DYNC1I2: variants seen among roughly 807,000 people sequenced by gnomAD.
DYNC1I2 encodes cytoplasmic dynein 1 intermediate chain 2.
Under a neutral mutation model 88.6 loss-of-function variants are expected in DYNC1I2, and 53 were observed. The observed-to-expected ratio is 0.60, with a 90% CI of 0.48 to 0.75. The LOEUF is 0.75. DYNC1I2 is among the 30% of genes least tolerant of loss of function. The probability of loss-of-function intolerance (pLI) is 0.00; values close to 1 mark genes in which losing one functional copy is unlikely to be tolerated. For missense variants in DYNC1I2, 458 were observed against 766.6 expected (o/e 0.60, Z 4.75); for synonymous variants, 198 against 254.6 (o/e 0.78, Z 2.12).
chr2:171,716,502 A>AT (rs1687504347), intron 7 of DYNC1I2, among the ~76,000 whole-genome samples: 1 of 152,240 alleles, frequency 6.6e-6, no homozygotes, highest in African/African-American at 2.4e-5. Context: ...AGTTATATTC[A>AT]TTGCAGAAAG....
intron 6 of DYNC1I2, 98 bp downstream of exon 6, chr2:171,712,924 C>T: frequency 9.8e-7 from 1 of 1,017,940 alleles, no homozygotes; most frequent in East Asian, 2.4e-5. Context: ...AATATTGTAT[C>T]ACGTAGTAAG....
At chr2:171,701,852 T>C (rs1244691111) in intron 3 of DYNC1I2, among the ~76,000 whole-genome samples, 1 of 152,158 alleles carries the variant, frequency 6.6e-6, no homozygotes, top group Non-Finnish European at 1.5e-5. Context: ...TTTTTCTGAG[T>C]GGGGCGGAAT....
At chr2:171,697,541 G>A (rs1370040344) in intron 3 of DYNC1I2, among the ~76,000 whole-genome samples, 1 of 152,070 alleles carries the variant, frequency 6.6e-6, no homozygotes, top group African/African-American at 2.4e-5. Context: ...GTGTGTGGTG[G>A]TTCACACCTG....
At chr2:171,732,431 T>C (rs1052081143) in intron 15 of DYNC1I2, among the ~76,000 whole-genome samples, 1 of 152,334 alleles carries the variant, frequency 6.6e-6, no homozygotes, top group Non-Finnish European at 1.5e-5. Flanking sequence ...ATTTGAAGTG[T>C]TTAGGGTCAT....
chr2:171,748,903 A>C lies in DYNC1I2; in HGVS notation c.*1014A>C, dbSNP rs964210684. ...TCCGAAAGGTAGGTGACAAATATCT[A>C]AGAATCAGTATTGAAATCAGTGAAT... On this transcript the variant is annotated 3_prime_UTR_variant, in exon 18 of 18. Coordinates refer to ENST00000397119, the MANE Select transcript of DYNC1I2 (RefSeq NM_001378.3). 9.9e-5 allele frequency among the ~76,000 whole-genome samples: 15 copies of C among 152,218 alleles called. No homozygotes were observed. Among genetic ancestry groups the C allele is most frequent in the African/African-American group, 3.4e-4 (14 of 41,466 alleles).
chr2:171,731,563 G>T (rs1418987719), intron 15 of DYNC1I2, among the ~76,000 whole-genome samples: 1 of 152,104 alleles, frequency 6.6e-6, no homozygotes, highest in Non-Finnish European at 1.5e-5. Context: ...GACCAGTTTG[G>T]GTAACACAAG....
chr2:171,734,541 A>G (rs915322780), intron 15 of DYNC1I2, among the ~76,000 whole-genome samples: 1 of 152,156 alleles, frequency 6.6e-6, no homozygotes, highest in Admixed American at 6.6e-5. Flanking sequence ...ATTGGGATAC[A>G]TGCCTCTCAC....
chr2:171,693,190 G>GT, intron 3 of DYNC1I2: 4 of 325,286 alleles, frequency 1.2e-5, no homozygotes, highest in Non-Finnish European at 2.3e-5. Flanking sequence ...GTGCCATACT[G>GT]TGTTAAGCTC....
intron 3 of DYNC1I2, among the ~76,000 whole-genome samples, chr2:171,703,830 GTGTT>G (rs1391428656): frequency 6.6e-6 from 1 of 152,174 alleles, no homozygotes; most frequent in Admixed American, 6.5e-5. Flanking sequence ...AACGTGGACT[GTGTT>G]TGAGTACTGA....
Position 171,715,453 on chromosome 2 carries a change from T to G in DYNC1I2, c.511+10T>G. The stretch of plus-strand genomic sequence containing the variant: ...GCTCAACCCAAAGAAGGTGAATATC[T>G]ATCCTTAGTATAATTGTCATTGAGC... On this transcript the variant is annotated intron_variant, in intron 7 of 17. Transcript: ENST00000397119. The G allele has an allele frequency of 2.2e-5, 32 of 1,487,042 alleles. No homozygotes were observed. Among genetic ancestry groups the G allele is most frequent in the Non-Finnish European group, 2.7e-5 (29 of 1,086,152 alleles). 92.1% of individuals were successfully genotyped at this position (1,487,042 alleles called of 1,614,324 possible).
At chr2:171,697,757 T>C (rs995844863) in intron 3 of DYNC1I2, among the ~76,000 whole-genome samples, 4 of 150,692 alleles carry the variant, frequency 2.7e-5, no homozygotes, top group Non-Finnish European at 4.4e-5. Context: ...ACTGTGGAGG[T>C]TGAGGTGGGA....
chr2:171,742,792 T>TA (rs1368166413), intron 15 of DYNC1I2, among the ~76,000 whole-genome samples: 2 of 152,356 alleles, frequency 1.3e-5, no homozygotes, highest in East Asian at 3.9e-4. Context: ...TGTCTGAACT[T>TA]ACTGCTTTGT....
At chr2:171,698,022 T>A (rs1685917266) in intron 3 of DYNC1I2, among the ~76,000 whole-genome samples, 1 of 152,222 alleles carries the variant, frequency 6.6e-6, no homozygotes, top group African/African-American at 2.4e-5. Flanking sequence ...GGGTTACAAT[T>A]GTGATAACCT....
chr2:171,717,702 C>T (rs1282372243), intron 7 of DYNC1I2, among the ~76,000 whole-genome samples: 2 of 151,894 alleles, frequency 1.3e-5, no homozygotes, highest in Admixed American at 1.3e-4. Context: ...ATTATGTCTG[C>T]CTTTTAGGAG....
At chr2:171,729,650 G>A (rs1035817808) in intron 14 of DYNC1I2, 59 bp from the exon 15 acceptor site, 5 of 1,564,850 alleles carry the variant, frequency 3.2e-6, no homozygotes, top group Non-Finnish European at 4.4e-6. Context: ...AATAAAATGT[G>A]TATGTAATTG....
In DYNC1I2 at chr2:171,726,242, C is replaced by T. The variant is rs377058205; in HGVS notation, c.819C>T (p.Asp273=). ...TGTCATTAAATCGACAATTTTTTGA[C>T]GAACGTTGGTCAAAGCATCGGGTGG... The part of the protein sequence containing the change: ...AKLSLNRQFF[D]ERWSKHRVVS... Residue 273 remains aspartate, a synonymous_variant, in exon 10 of 18, where the codon GAC becomes GAT. Transcript: ENST00000397119. 7.9e-5 allele frequency: 127 copies of T among 1,612,018 alleles called. No homozygotes were observed. Among genetic ancestry groups the T allele is most frequent in the South Asian group, 2.1e-4 (19 of 90,744 alleles).
Position 171,699,265 on chromosome 2 carries a change from C to T in DYNC1I2, c.226+6371C>T, listed in dbSNP as rs369956445. On this transcript the variant is annotated intron_variant, in intron 3 of 17. Coordinates refer to ENST00000397119, the MANE Select transcript of DYNC1I2 (RefSeq NM_001378.3). ...GAGGTTGCAGTGAGCCGAGATCGCG[C>T]CATTGCACTCCAGCCTGGGCAACAG... 4.6e-5 allele frequency among the ~76,000 whole-genome samples: 7 copies of T among 152,198 alleles called. No individual in the cohort carries two copies. The South Asian group carries it at 1.0e-3, about 23-fold the overall frequency.
chr2:171,690,898 C>T (rs1685356834), intron 2 of DYNC1I2, among the ~76,000 whole-genome samples: 1 of 152,068 alleles, frequency 6.6e-6, no homozygotes, highest in African/African-American at 2.4e-5. Context: ...TCAAACAGTC[C>T]TCCTGCCTAG....
At chr2:171,744,311 CAAAG>C in intron 16 of DYNC1I2, 122 bp downstream of exon 16, 1 of 1,030,270 alleles carries the variant, frequency 9.7e-7, no homozygotes, top group South Asian at 1.9e-5. Flanking sequence ...AGATTCATCA[CAAAG>C]AACTCAAATA....
Sources: allele counts gnomAD v4.1 joint callset (sites outside exome capture counted in the v4.1 genomes callset), GRCh38; gene constraint gnomAD v4.1.1; transcripts MANE v1.5; gene names NCBI Gene and HGNC (gene_info 2026-07-23, HGNC 2026-07-21).